The following CHCHD6 variants were observed in gnomAD, a reference collection of about 807,000 sequenced individuals.
CHCHD6 encodes the protein coiled-coil-helix-coiled-coil-helix domain containing 6.
CHCHD6 carries 28 observed loss-of-function variants against 32.3 expected under a neutral mutation model. The observed-to-expected ratio is 0.87, with a 90% CI of 0.64 to 1.19. The LOEUF is 1.19. CHCHD6 is among the 50% of genes most tolerant of loss of function. The probability of loss-of-function intolerance (pLI) is 0.00; values close to 1 mark genes in which losing one functional copy is unlikely to be tolerated. For synonymous variants in CHCHD6, 122 were observed against 117.5 expected, an observed-to-expected ratio of 1.04 and a Z score of -0.25; for missense variants, 333 against 307.0, an observed-to-expected ratio of 1.08 and a Z score of -0.63.
intron 5 of CHCHD6, among the ~76,000 whole-genome samples, chr3:126,877,487 G>A (rs1413984525): frequency 2.0e-5 from 3 of 151,846 alleles, no homozygotes; most frequent in East Asian, 1.9e-4. Flanking sequence ...CCCGGGAGGC[G>A]GAGCTTGCAG....
chr3:126,815,444 C>G (rs1281974308), intron 4 of CHCHD6, among the ~76,000 whole-genome samples: 1 of 152,204 alleles, frequency 6.6e-6, no homozygotes, highest in African/African-American at 2.4e-5. Context: ...CTAGTGTGCC[C>G]TTGTGGATCC....
At chr3:126,870,623 C>T (rs1434942109) in intron 5 of CHCHD6, among the ~76,000 whole-genome samples, 2 of 152,156 alleles carry the variant, frequency 1.3e-5, no homozygotes, top group Non-Finnish European at 2.9e-5. Flanking sequence ...GTGGCTCCCT[C>T]GGGCCACCTT....
At chr3:126,825,161 G>T (rs762441367) in intron 4 of CHCHD6, among the ~76,000 whole-genome samples, 14 of 149,738 alleles carry the variant, frequency 9.3e-5, no homozygotes, top group East Asian at 1.9e-4. Context: ...ATTTTTTTTT[G>T]AATTTGAGGT....
intron 4 of CHCHD6, among the ~76,000 whole-genome samples, chr3:126,738,459 C>A (rs544345478): frequency 9.2e-5 from 14 of 152,326 alleles, no homozygotes; most frequent in African/African-American, 3.4e-4. Flanking sequence ...GGTTTTACTA[C>A]AGCTGTAGCC....
intron 4 of CHCHD6, among the ~76,000 whole-genome samples, chr3:126,749,081 G>A (rs1274555128): frequency 1.3e-5 from 2 of 152,152 alleles, no homozygotes; most frequent in Non-Finnish European, 2.9e-5. Context: ...CAGTTTGTGG[G>A]GAGTGTGCCC....
intron 1 of CHCHD6, among the ~76,000 whole-genome samples, chr3:126,718,134 G>A (rs546130996): frequency 1.3e-5 from 2 of 152,294 alleles, no homozygotes; most frequent in African/African-American, 4.8e-5. Context: ...TTTGTGTACA[G>A]TATGGACAAG....
At chr3:126,828,904 T>C (rs1287698304) in intron 4 of CHCHD6, among the ~76,000 whole-genome samples, 1 of 152,184 alleles carries the variant, frequency 6.6e-6, no homozygotes, top group African/African-American at 2.4e-5. Flanking sequence ...AATTTATAAA[T>C]TTTGTTGATC....
chr3:126,716,640 G>T (rs930732931), intron 1 of CHCHD6, among the ~76,000 whole-genome samples: 3 of 152,094 alleles, frequency 2.0e-5, no homozygotes, highest in Admixed American at 6.5e-5. Context: ...AGTGTCTCCG[G>T]TGTGCTAAGC....
chr3:126,858,302 G>A (rs1467215901), intron 5 of CHCHD6, among the ~76,000 whole-genome samples: 2 of 150,570 alleles, frequency 1.3e-5, no homozygotes, highest in African/African-American at 2.4e-5. Flanking sequence ...TGGCAGGGGC[G>A]GGGGCGGGGG....
intron 6 of CHCHD6, among the ~76,000 whole-genome samples, chr3:126,930,345 T>C (rs2078386362): frequency 6.6e-6 from 1 of 152,266 alleles, no homozygotes; most frequent in Non-Finnish European, 1.5e-5. Context: ...AGTTTTCCTT[T>C]GTTTCCCATT....
intron 5 of CHCHD6, among the ~76,000 whole-genome samples, chr3:126,870,446 C>T (rs928636816): frequency 1.3e-5 from 2 of 152,188 alleles, no homozygotes; most frequent in East Asian, 1.9e-4. Context: ...AACCGTTCTC[C>T]CAGTTCTTTC....
intron 4 of CHCHD6, among the ~76,000 whole-genome samples, chr3:126,756,792 C>A (rs1936971652): frequency 6.6e-6 from 1 of 152,190 alleles, no homozygotes; most frequent in South Asian, 2.1e-4. Context: ...AGCTCTTACC[C>A]TTTAGCACTT....
At chr3:126,945,730 C>G (rs1460633726) in intron 6 of CHCHD6, among the ~76,000 whole-genome samples, 1 of 94,332 alleles carries the variant, frequency 1.1e-5, no homozygotes, top group African/African-American at 4.4e-5. Context: ...AGTAGGGAGA[C>G]ATGGGGAGAC....
intron 5 of CHCHD6, among the ~76,000 whole-genome samples, chr3:126,913,066 C>T (rs1028912519): frequency 6.6e-6 from 1 of 152,204 alleles, no homozygotes; most frequent in Non-Finnish European, 1.5e-5. Context: ...ATGTGCAAGG[C>T]AACGCAGCTC....
intron 4 of CHCHD6, among the ~76,000 whole-genome samples, chr3:126,784,377 T>C (rs1938099472): frequency 6.6e-6 from 1 of 152,198 alleles, no homozygotes; most frequent in South Asian, 2.1e-4. Context: ...CTGTTTCCTT[T>C]GTCTTCCCAC....
At chr3:126,750,084 G>A (rs1936666754) in intron 4 of CHCHD6, among the ~76,000 whole-genome samples, 1 of 152,198 alleles carries the variant, frequency 6.6e-6, no homozygotes, top group African/African-American at 2.4e-5. Context: ...TACAGAACCT[G>A]TCTTCTCTCC....
At chr3:126,781,057 A>G (rs1438259436) in intron 4 of CHCHD6, among the ~76,000 whole-genome samples, 1 of 152,152 alleles carries the variant, frequency 6.6e-6, no homozygotes, top group African/African-American at 2.4e-5. Context: ...ACTGTAAAGG[A>G]CAGTAGGATT....
chr3:126,835,943 A>G (rs1940841808), intron 4 of CHCHD6, among the ~76,000 whole-genome samples: 1 of 152,246 alleles, frequency 6.6e-6, no homozygotes, highest in Non-Finnish European at 1.5e-5. Context: ...TTCCGTAGCT[A>G]CAGCTGTCAC....
chr3:126,752,685 T>C (rs1303195505), intron 4 of CHCHD6, among the ~76,000 whole-genome samples: 4 of 152,214 alleles, frequency 2.6e-5, no homozygotes, highest in African/African-American at 4.8e-5. Context: ...TGACCAGGTT[T>C]GTACTGCCCT....
Sources: allele counts gnomAD v4.1 joint callset (sites outside exome capture counted in the v4.1 genomes callset), GRCh38; gene constraint gnomAD v4.1.1; transcripts MANE v1.5; gene names NCBI Gene and HGNC (gene_info 2026-07-23, HGNC 2026-07-21).